PARVB: variants seen among roughly 807,000 people sequenced by gnomAD.
PARVB encodes the protein parvin beta.
PARVB carries 46 observed loss-of-function variants against 47.0 expected under a neutral mutation model. That is an observed-to-expected ratio of 0.98 (90% CI 0.77 to 1.25). PARVB has a LOEUF of 1.25. PARVB is among the 50% of genes most tolerant of loss of function. The probability of loss-of-function intolerance (pLI) is 0.00; values close to 1 mark genes in which losing one functional copy is unlikely to be tolerated. For synonymous variants in PARVB, 196 were observed against 196.3 expected, an observed-to-expected ratio of 1.00 and a Z score of 0.01; for missense variants, 473 against 471.6, an observed-to-expected ratio of 1.00 and a Z score of -0.03.
chr22:44,136,413 T>G (rs2053441741), intron 6 of PARVB, 47 bp from the exon 7 acceptor site: 1 of 1,565,742 alleles, frequency 6.4e-7, no homozygotes, highest in Non-Finnish European at 8.8e-7. Flanking sequence ...GCATCTTTCC[T>G]CAACTCTCCA....
chr22:44,105,264 C>T (rs1196047324), intron 3 of PARVB: 1 of 152,224 alleles, frequency 6.6e-6, no homozygotes, highest in Non-Finnish European at 1.5e-5. Context: ...GGCCCGAGGG[C>T]CCCAGGTAAG....
intron 2 of PARVB, among the ~76,000 whole-genome samples, chr22:44,097,960 G>A (rs914083690): frequency 1.3e-5 from 2 of 152,114 alleles, no homozygotes; most frequent in African/African-American, 2.4e-5. Context: ...TGGGACATCC[G>A]AGCCACCATG....
At chr22:44,042,218 T>G (rs913256382) in intron 1 of PARVB, among the ~76,000 whole-genome samples, 8 of 152,080 alleles carry the variant, frequency 5.3e-5, no homozygotes, top group African/African-American at 1.7e-4. Flanking sequence ...GGTCAGGAGT[T>G]TGAGACCAGC....
chr22:44,088,714 T>C (rs1245466574), intron 1 of PARVB, among the ~76,000 whole-genome samples: 3 of 152,142 alleles, frequency 2.0e-5, no homozygotes. Flanking sequence ...TCAGGTGATT[T>C]GCCCACCTTG....
In PARVB at chr22:44,010,984, T is replaced by G. The variant is rs115505368; in HGVS notation, c.211+11311T>G. Among the ~76,000 whole-genome samples, 576 of 150,942 alleles carry G rather than the reference T, an allele frequency of 3.8e-3. 5 individuals carry two copies. Among genetic ancestry groups the G allele is most frequent in the African/African-American group, 0.013 (550 of 40,988 alleles). On this transcript the variant is annotated intron_variant, in intron 2 of 13. Coordinates refer to the PARVB transcript ENST00000406477. The stretch of plus-strand genomic sequence containing the variant: ...TCAGCTCACTGTCATCTCTGCCTCC[T>G]GGGTTCACGTCATTCTCCTGCCTCA...
At chr22:44,093,257 A>C (rs1442089625) in intron 1 of PARVB, among the ~76,000 whole-genome samples, 1 of 152,188 alleles carries the variant, frequency 6.6e-6, no homozygotes, top group East Asian at 1.9e-4. Flanking sequence ...ATGAGGGGTC[A>C]TTTCTGGTTC....
intron 1 of PARVB, among the ~76,000 whole-genome samples, chr22:44,042,468 C>T (rs2051037107): frequency 6.6e-6 from 1 of 152,178 alleles, no homozygotes; most frequent in Non-Finnish European, 1.5e-5. Context: ...CCCCAGTAAG[C>T]TGTCACTTGT....
chr22:44,076,317 C>G (rs143175409), intron 1 of PARVB, among the ~76,000 whole-genome samples: 120 of 152,324 alleles, frequency 7.9e-4, no homozygotes, highest in African/African-American at 2.5e-3. Context: ...GGGCGGCCAC[C>G]CGCAGCCCTG....
rs143992052 is a variant in PARVB at position 44,155,035 on chromosome 22, GGTGTGT to G, written c.844-2929_844-2924del. ...TGTGTGTGGTTTTTGTAGTCTGTGT[GGTGTGT>G]GTGTGTGTGTGTGTGTGGTTTTTGT... On this transcript the variant is annotated intron_variant, in intron 10 of 12. Transcript: ENST00000338758. The surrounding 1 kb of genome is among the most constrained non-coding windows in gnomAD (Gnocchi z 4.8). Among the ~76,000 whole-genome samples the G allele has an allele frequency of 4.3e-5, 5 of 116,226 alleles. No individual in the cohort carries two copies. The highest frequency in any genetic ancestry group is 5.0e-5 in the Non-Finnish European group (3 of 59,412). The allele number at this position is 116,226 out of a possible 152,430, so 76.2% of individuals were successfully genotyped here. A position where few individuals can be genotyped will look rare whatever the true frequency, so the allele number is the denominator to read the frequency against.
chr22:44,061,460 A>C (rs560295032), intron 1 of PARVB, among the ~76,000 whole-genome samples: 4 of 117,268 alleles, frequency 3.4e-5, no homozygotes, highest in Admixed American at 8.6e-5. Flanking sequence ...ACAAAACAAA[A>C]CAAACCAAAA....
Position 44,030,621 on chromosome 22 carries a change from G to A in PARVB, c.112+6170G>A, listed in dbSNP as rs181268928. ...AGGCAGGCTGGCAGGAATGTGGCAC[G>A]GGGCACAGGCAGTGCCCCGAGGAGG... On this transcript the variant is annotated intron_variant, in intron 1 of 12. Transcript: ENST00000338758. Among the ~76,000 whole-genome samples the A allele has an allele frequency of 4.9e-4, 74 of 152,214 alleles. 1 individual carries two copies. The East Asian group carries it at 0.013, about 28-fold the overall frequency.
chr22:44,049,758 T>G lies in PARVB; in HGVS notation c.112+25307T>G, dbSNP rs1345444674. Among the ~76,000 whole-genome samples, 1 of 152,254 alleles carries G rather than the reference T, an allele frequency of 6.6e-6. No homozygotes were observed. The highest frequency in any genetic ancestry group is 1.5e-5 in the Non-Finnish European group (1 of 68,044). On this transcript the variant is annotated intron_variant, in intron 1 of 12. Coordinates refer to ENST00000338758, the MANE Select transcript of PARVB (RefSeq NM_013327.5). The surrounding 1 kb of genome is among the most constrained non-coding windows in gnomAD (Gnocchi z 4.0). Reference sequence around the variant, plus strand: ...CAAATTCAAATTGGTGCTTTCTTCCTATTAAAGCAGGAGACCTCTGCCCGG... The same window carrying G: ...CAAATTCAAATTGGTGCTTTCTTCCGATTAAAGCAGGAGACCTCTGCCCGG...
intron 1 of PARVB, among the ~76,000 whole-genome samples, chr22:44,063,571 C>G (rs1174414405): frequency 6.6e-6 from 1 of 152,016 alleles, no homozygotes; most frequent in Admixed American, 6.6e-5. Flanking sequence ...TGCGGTGTGT[C>G]CTGTGGTCTC....
At chr22:44,133,107 CA>C (rs2053366917) in intron 6 of PARVB, 98 bp downstream of exon 6, 2 of 679,708 alleles carry the variant, frequency 2.9e-6, no homozygotes, top group Admixed American at 3.0e-5. Context: ...TTTTTCCCCC[CA>C]GGAGGCTACC....
rs1601585849 is a variant in PARVB, at chr22:44,089,635, G to A, written c.113-4293G>A. The A allele has an allele frequency of 6.8e-6, 1 of 147,428 alleles. No individual in the cohort carries two copies. The highest frequency in any genetic ancestry group is 1.5e-5 in the Non-Finnish European group (1 of 66,680). 9.1% of individuals were successfully genotyped at this position (147,428 alleles called of 1,614,324 possible). A position where few individuals can be genotyped will look rare whatever the true frequency, so the allele number is the denominator to read the frequency against. On this transcript the variant is annotated intron_variant, in intron 1 of 12. Coordinates refer to ENST00000338758, the MANE Select transcript of PARVB (RefSeq NM_013327.5). The surrounding 1 kb of genome is among the most constrained non-coding windows in gnomAD (Gnocchi z 4.0). ...GTGGCGGGGGGGTCGGGGGAGGGGG[G>A]AAGCCAAGGGTGTGAGAGGAGCCCC...
intron 1 of PARVB, among the ~76,000 whole-genome samples, chr22:44,052,192 G>A (rs2051222611): frequency 6.6e-6 from 1 of 152,238 alleles, no homozygotes; most frequent in African/African-American, 2.4e-5. Context: ...TCTCCTGCCA[G>A]TAAGGGTTGT....
intron 7 of PARVB, among the ~76,000 whole-genome samples, chr22:44,137,919 G>T (rs2053472902): frequency 6.6e-6 from 1 of 152,174 alleles, no homozygotes; most frequent in African/African-American, 2.4e-5. Flanking sequence ...CCTTGTGCAG[G>T]AATGGCCTGT....
intron 1 of PARVB, among the ~76,000 whole-genome samples, chr22:44,065,719 A>G (rs2051505872): frequency 6.6e-6 from 1 of 152,170 alleles, no homozygotes; most frequent in South Asian, 2.1e-4. Flanking sequence ...GTGAGAACAT[A>G]CGATGTTTGG....
chr22:44,086,940 G>A, intron 1 of PARVB: 1 of 556,182 alleles, frequency 1.8e-6, no homozygotes, highest in Non-Finnish European at 2.3e-6. Flanking sequence ...GGATCCCGAT[G>A]CCCCCTCCCC....
Sources: gnomAD v4.1 joint callset for allele counts (sites outside exome capture counted in the v4.1 genomes callset) on GRCh38, gnomAD v4.1.1 for gene constraint, Gnocchi (gnomAD v3.1) non-coding constraint, MANE v1.5 for transcripts, NCBI Gene and HGNC (gene_info 2026-07-23, HGNC 2026-07-21) for gene names.